UBAP2: variants seen among roughly 807,000 people sequenced by gnomAD.
The protein encoded by UBAP2 is ubiquitin associated protein 2, also known as ubiquitin-associated protein 2.
Under a neutral mutation model 139.6 loss-of-function variants are expected in UBAP2, and 75 were observed. The observed-to-expected ratio is 0.54, with a 90% CI of 0.45 to 0.65. UBAP2 has a LOEUF of 0.65. UBAP2 is among the 30% of genes least tolerant of loss of function. The pLI, the probability that UBAP2 is intolerant of heterozygous loss-of-function variation, is 0.00. For synonymous variants in UBAP2, 526 were observed against 526.2 expected (o/e 1.00, Z 0.01); for missense variants, 1,368 against 1,369.6 (o/e 1.00, Z 0.02).
chr9:33,983,435 C>A (rs1820940302), intron 6 of UBAP2, among the ~76,000 whole-genome samples: 1 of 152,060 alleles, frequency 6.6e-6, no homozygotes. Flanking sequence ...GAAAGAAAAC[C>A]CTCTCCCTGG....
intron 2 of UBAP2, among the ~76,000 whole-genome samples, chr9:34,006,148 G>A (rs971606756): frequency 7.3e-5 from 11 of 151,374 alleles, no homozygotes; most frequent in Admixed American, 2.6e-4. Flanking sequence ...CAGGAGAATC[G>A]CTTGAACCCG....
intron 4 of UBAP2, among the ~76,000 whole-genome samples, chr9:33,992,153 G>T (rs1564051711): frequency 6.6e-6 from 1 of 152,064 alleles, no homozygotes; most frequent in South Asian, 2.1e-4. Context: ...ACTTTGGGAG[G>T]CTGAGCGGGT....
chr9:33,996,550 T>C, intron 3 of UBAP2: 1 of 463,254 alleles, frequency 2.2e-6, no homozygotes, highest in Non-Finnish European at 3.8e-6. Flanking sequence ...TACAAATCAA[T>C]CTTCCTCCAA....
At chr9:33,969,040 T>C (rs1221475077) in intron 8 of UBAP2, among the ~76,000 whole-genome samples, 1 of 152,252 alleles carries the variant, frequency 6.6e-6, no homozygotes, top group African/African-American at 2.4e-5. Context: ...TTCCATTCTA[T>C]GTATATTCTA....
intron 1 of UBAP2, among the ~76,000 whole-genome samples, chr9:34,037,906 C>G (rs993828026): frequency 1.3e-5 from 2 of 150,680 alleles, no homozygotes; most frequent in African/African-American, 2.4e-5. Context: ...CTGCTCACGC[C>G]TATAATCCCA....
At chr9:34,016,677 T>TCC (rs1824379730) in intron 2 of UBAP2, among the ~76,000 whole-genome samples, 1 of 151,684 alleles carries the variant, frequency 6.6e-6, no homozygotes, top group South Asian at 2.1e-4. Context: ...TGCCTTAGCC[T>TCC]CCCGAGAAGC....
intron 8 of UBAP2, among the ~76,000 whole-genome samples, chr9:33,967,424 T>C (rs760729739): frequency 6.6e-6 from 1 of 152,212 alleles, no homozygotes; most frequent in Non-Finnish European, 1.5e-5. Context: ...TATATCACCA[T>C]TGACTGTAAC....
chr9:34,038,251 C>A (rs2131358155), intron 1 of UBAP2, among the ~76,000 whole-genome samples: 1 of 152,004 alleles, frequency 6.6e-6, no homozygotes, highest in Middle Eastern at 3.4e-3. Flanking sequence ...GAGTTCAAGA[C>A]CAGCCTGGCC....
intron 6 of UBAP2, among the ~76,000 whole-genome samples, chr9:33,978,363 C>T (rs958707403): frequency 6.6e-6 from 1 of 151,906 alleles, no homozygotes; most frequent in Non-Finnish European, 1.5e-5. Flanking sequence ...AGCAAGAGCC[C>T]CTTCTCTACC....
intron 2 of UBAP2, among the ~76,000 whole-genome samples, chr9:34,004,860 T>G (rs1357410017): frequency 1.3e-5 from 2 of 152,082 alleles, no homozygotes; most frequent in Non-Finnish European, 2.9e-5. Flanking sequence ...CCCAGCACTT[T>G]GGGAGGCTGA....
chr9:33,961,756 G>A (rs1282115526), intron 9 of UBAP2, among the ~76,000 whole-genome samples: 1 of 152,218 alleles, frequency 6.6e-6, no homozygotes, highest in Non-Finnish European at 1.5e-5. Context: ...TGTGTATGGA[G>A]AGGGAAGAGG....
intron 4 of UBAP2, 105 bp from the exon 5 acceptor site, chr9:33,989,231 C>A (rs1821483757): frequency 4.6e-6 from 6 of 1,304,696 alleles, no homozygotes; most frequent in Non-Finnish European, 4.0e-6. Context: ...GAGACGGAGT[C>A]TCGCTCTGTC....
chr9:33,958,833 A>G (rs1432906476), intron 10 of UBAP2, among the ~76,000 whole-genome samples: 1 of 151,488 alleles, frequency 6.6e-6, no homozygotes, highest in African/African-American at 2.4e-5. Context: ...GAGCTGGCCA[A>G]CAGTGCAAGA....
chr9:33,980,390 A>G, intron 6 of UBAP2, among the ~76,000 whole-genome samples: 1 of 145,258 alleles, frequency 6.9e-6, no homozygotes, highest in Non-Finnish European at 1.5e-5. Context: ...CCGCCACCAC[A>G]CCAGCTAATC....
chr9:34,025,027 A>G (rs1825290344), intron 1 of UBAP2, among the ~76,000 whole-genome samples: 1 of 152,176 alleles, frequency 6.6e-6, no homozygotes, highest in Admixed American at 6.6e-5. Context: ...CCATTAAATC[A>G]AGGTAAAAGC....
chr9:33,926,062 G>A (rs1253568049), intron 22 of UBAP2, among the ~76,000 whole-genome samples: 1 of 152,192 alleles, frequency 6.6e-6, no homozygotes, highest in Non-Finnish European at 1.5e-5. Flanking sequence ...CTCAGAGTAA[G>A]GCTGCAACCA....
intron 14 of UBAP2, 86 bp from the exon 15 acceptor site, chr9:33,943,675 G>T: frequency 7.6e-7 from 1 of 1,320,532 alleles, no homozygotes. Flanking sequence ...CAAGCATTTA[G>T]GTTCCCAGGC....
In UBAP2 at chr9:33,937,908, C is replaced by A. The variant is rs562847976; in HGVS notation, c.1930-2030G>T. On this transcript the variant is annotated intron_variant, in intron 16 of 28. Coordinates refer to ENST00000379238, the MANE Select transcript of UBAP2 (RefSeq NM_001370062.2). ...CTCCAGCCTGGGCAACAACAGCAAACCTCCCTCTCAAAAAATAGATACATA... is the reference window on the plus strand; with the variant it reads ...CTCCAGCCTGGGCAACAACAGCAAAACTCCCTCTCAAAAAATAGATACATA... 6.6e-5 allele frequency among the ~76,000 whole-genome samples: 10 copies of A among 152,196 alleles called. No individual in the cohort carries two copies. In the South Asian group the frequency reaches 2.1e-3, roughly 32 times the overall value.
At chr9:33,987,241 T>A (rs1183130283) in intron 5 of UBAP2, among the ~76,000 whole-genome samples, 1 of 151,912 alleles carries the variant, frequency 6.6e-6, no homozygotes, top group Non-Finnish European at 1.5e-5. Context: ...GGAAACCCTG[T>A]CTCTACCAAA....
Sources: gnomAD v4.1 joint callset for allele counts (sites outside exome capture counted in the v4.1 genomes callset) on GRCh38, gnomAD v4.1.1 for gene constraint, MANE v1.5 for transcripts, NCBI Gene and HGNC (gene_info 2026-07-23, HGNC 2026-07-21) for gene names.